GPHN: variants seen among roughly 807,000 people sequenced by gnomAD.
GPHN encodes the protein gephyrin.
In GPHN, 17 loss-of-function variants were observed where a neutral mutation model predicts 95.5. The observed-to-expected ratio is 0.18, with a 90% CI of 0.12 to 0.27. GPHN has a LOEUF of 0.27. GPHN is among the 10% of genes least tolerant of loss of function. The probability of loss-of-function intolerance (pLI) is 1.00; values close to 1 mark genes in which losing one functional copy is unlikely to be tolerated. For synonymous variants in GPHN, 320 were observed against 322.5 expected, an observed-to-expected ratio of 0.99 and a Z score of 0.08; for missense variants, 660 against 978.1, an observed-to-expected ratio of 0.67 and a Z score of 4.34.
chr14:66,806,393 G>A (rs2060544074), intron 3 of GPHN, among the ~76,000 whole-genome samples: 1 of 152,140 alleles, frequency 6.6e-6, no homozygotes, highest in Admixed American at 6.5e-5. Context: ...TTAACATTCG[G>A]CTCCTTGTTA....
At chr14:67,708,089 A>G in the GPHN span, among the ~76,000 whole-genome samples, 1 of 152,232 alleles carries the variant, frequency 6.6e-6, no homozygotes, top group African/African-American at 2.4e-5. Context: ...AATACTCACA[A>G]ATAATTTCCA....
At chr14:67,585,587 A>T in the GPHN span, 1 of 1,583,474 alleles carries the variant, frequency 6.3e-7, no homozygotes, top group Non-Finnish European at 8.6e-7. Context: ...CTGTCTTCCA[A>T]GGAGAACGCT....
the GPHN span, among the ~76,000 whole-genome samples, chr14:67,226,186 A>G: frequency 1.3e-5 from 2 of 151,852 alleles, no homozygotes; most frequent in Non-Finnish European, 2.9e-5. Flanking sequence ...TTACTTGTTT[A>G]TTTATTTTTA....
At chr14:67,692,549 A>G in the GPHN span, 1 of 1,609,598 alleles carries the variant, frequency 6.2e-7, no homozygotes, top group Non-Finnish European at 8.5e-7. Flanking sequence ...TTGGCCACCA[A>G]TTCCCCCTTT....
chr14:67,076,210 G>A (rs902443846), intron 11 of GPHN, among the ~76,000 whole-genome samples: 27 of 152,056 alleles, frequency 1.8e-4, no homozygotes, highest in African/African-American at 6.5e-4. Flanking sequence ...GTTACAACTC[G>A]CTGAAGACTC....
At chr14:67,321,892 TCC>T in the GPHN span, among the ~76,000 whole-genome samples, 1 of 152,204 alleles carries the variant, frequency 6.6e-6, no homozygotes, top group African/African-American at 2.4e-5. Context: ...TGAAATAATT[TCC>T]CTTTTCTGAT....
At chr14:67,218,711 GC>G in the GPHN span, among the ~76,000 whole-genome samples, 1 of 152,006 alleles carries the variant, frequency 6.6e-6, no homozygotes, top group Non-Finnish European at 1.5e-5. Context: ...GTTTCTTTGT[GC>G]CCTAAGCACA....
At chr14:67,629,210 C>T in the GPHN span, among the ~76,000 whole-genome samples, 1 of 152,240 alleles carries the variant, frequency 6.6e-6, no homozygotes, top group East Asian at 1.9e-4. Flanking sequence ...GTGGTGCATG[C>T]ACATAGTCCT....
chr14:66,881,847 A>C, intron 5 of GPHN, among the ~76,000 whole-genome samples: 1 of 151,890 alleles, frequency 6.6e-6, no homozygotes, highest in South Asian at 2.1e-4. Context: ...AAGGCTTTGA[A>C]AATTAATACA....
At chr14:67,056,967 C>G (rs1194709108) in intron 10 of GPHN, among the ~76,000 whole-genome samples, 1 of 152,216 alleles carries the variant, frequency 6.6e-6, no homozygotes, top group Non-Finnish European at 1.5e-5. Context: ...GGGGGCTAAG[C>G]CCCTCACTGC....
the GPHN span, chr14:67,411,869 C>G: frequency 7.4e-6 from 5 of 671,396 alleles, no homozygotes; most frequent in Middle Eastern, 3.1e-4. Flanking sequence ...CTCTGCCCAT[C>G]AGGGCCACAG....
At chr14:66,631,385 A>G (rs1259468103) in intron 1 of GPHN, among the ~76,000 whole-genome samples, 1 of 152,188 alleles carries the variant, frequency 6.6e-6, no homozygotes, top group African/African-American at 2.4e-5. Flanking sequence ...ATTTTAGCTC[A>G]AAACAAATGT....
intron 1 of GPHN, among the ~76,000 whole-genome samples, chr14:66,599,020 T>G (rs2062107199): frequency 6.6e-6 from 1 of 152,182 alleles, no homozygotes; most frequent in Admixed American, 6.5e-5. Flanking sequence ...GGATCTTTGA[T>G]AATTACTTTC....
At chr14:66,786,980 C>G (rs768361090) in intron 3 of GPHN, among the ~76,000 whole-genome samples, 4 of 152,106 alleles carry the variant, frequency 2.6e-5, no homozygotes, top group Non-Finnish European at 4.4e-5. Context: ...TCTTCTCTGA[C>G]TACTTTTATT....
chr14:67,663,954 C>T, the GPHN span, among the ~76,000 whole-genome samples: 1 of 152,122 alleles, frequency 6.6e-6, no homozygotes, highest in Non-Finnish European at 1.5e-5. Flanking sequence ...TCCCTTATAT[C>T]TAACAAGCAA....
intron 18 of GPHN, among the ~76,000 whole-genome samples, chr14:67,156,962 C>T (rs2081625184): frequency 6.8e-6 from 1 of 147,404 alleles, no homozygotes; most frequent in South Asian, 2.1e-4. Flanking sequence ...ACAAGTGAGA[C>T]TCTGTCTCAA....
At chr14:67,576,868 C>T in the GPHN span, among the ~76,000 whole-genome samples, 1 of 152,166 alleles carries the variant, frequency 6.6e-6, no homozygotes, top group South Asian at 2.1e-4. This position sits in a 1 kb window ranked among gnomAD's most constrained non-coding sequence, Gnocchi z 4.0. Flanking sequence ...ATCGGACTAA[C>T]CTGTTTGGAG....
At chr14:66,883,812 G>T (rs994598329) in intron 5 of GPHN, among the ~76,000 whole-genome samples, 1 of 152,018 alleles carries the variant, frequency 6.6e-6, no homozygotes, top group African/African-American at 2.4e-5. Flanking sequence ...GTATATACTA[G>T]GTTTATGTTT....
chr14:66,794,203 A>G (rs928360588), intron 3 of GPHN, among the ~76,000 whole-genome samples: 2 of 152,186 alleles, frequency 1.3e-5, no homozygotes, highest in African/African-American at 4.8e-5. Flanking sequence ...GCAGCTTCTC[A>G]TGAATGGTTT....
Sources: gnomAD v4.1 joint callset for allele counts (sites outside exome capture counted in the v4.1 genomes callset) on GRCh38, gnomAD v4.1.1 for gene constraint, Gnocchi (gnomAD v3.1) non-coding constraint, MANE v1.5 for transcripts, NCBI Gene and HGNC (gene_info 2026-07-23, HGNC 2026-07-21) for gene names.